DCHS2: variants seen among roughly 807,000 people sequenced by gnomAD.
DCHS2 encodes the protein protocadherin-23.
A neutral mutation model predicts 182.4 loss-of-function variants in DCHS2; 142 were observed. The observed-to-expected ratio is 0.78, with a 90% confidence interval of 0.68 to 0.89. The LOEUF (loss-of-function observed/expected upper bound fraction) is 0.89. DCHS2 is among the 40% of genes least tolerant of loss of function. The probability of loss-of-function intolerance (pLI) is 0.00; values close to 1 mark genes in which losing one functional copy is unlikely to be tolerated. For synonymous variants in DCHS2, 1,740 were observed against 1,663.3 expected, an observed-to-expected ratio of 1.05 and a Z score of -1.12; for missense variants, 4,319 against 4,198.6, an observed-to-expected ratio of 1.03 and a Z score of -0.79.
Position 154,298,068 on chromosome 4 carries a change from TGACTGGG to T in DCHS2, c.6239_6245del (p.Thr2080LysfsTer29). ...CTGTGTATTTATCAATAGAAAACATTGACTGGGTCTCTGCAAAACTAAAAACCACAGT... is the reference window on the plus strand; with the variant it reads ...CTGTGTATTTATCAATAGAAAACATTTCTCTGCAAAACTAAAAACCACAGT... On this transcript the variant is annotated frameshift_variant, in exon 13 of 20. Coordinates refer to ENST00000357232, the MANE Select transcript of DCHS2 (RefSeq NM_001358235.2). LOFTEE classifies it high-confidence loss of function. The T allele has an allele frequency of 6.2e-7, 1 of 1,614,164 alleles. No individual in the cohort carries two copies. The highest frequency in any genetic ancestry group is 1.1e-5 in the South Asian group (1 of 91,086).
intron 1 of DCHS2, among the ~76,000 whole-genome samples, chr4:154,405,713 C>T (rs1732372449): frequency 6.6e-6 from 1 of 152,168 alleles, no homozygotes; most frequent in South Asian, 2.1e-4. Flanking sequence ...TAGAAACATG[C>T]TGTCCTTTAA....
Position 154,235,958 on chromosome 4 carries a change from C to T in DCHS2, c.8694G>A (p.Leu2898=). ...TLPEKNKDRQ[L]IGRVEASDAD... ...CATCTGAGGCTTCCACTCTGCCAATCAACTGTCTGTCTTTATTCTTTTCTG... is the reference window on the plus strand; with the variant it reads ...CATCTGAGGCTTCCACTCTGCCAATTAACTGTCTGTCTTTATTCTTTTCTG... Residue 2898 remains leucine, a synonymous_variant, in exon 20 of 20, where the codon TTG becomes TTA. Transcript: ENST00000357232. The T allele has an allele frequency of 6.2e-7, 1 of 1,614,000 alleles. No individual in the cohort carries two copies. Among genetic ancestry groups the T allele is most frequent in the Non-Finnish European group, 8.5e-7 (1 of 1,179,928 alleles).
intron 1 of DCHS2, among the ~76,000 whole-genome samples, chr4:154,410,691 G>T (rs1195549886): frequency 6.6e-6 from 1 of 151,550 alleles, no homozygotes; most frequent in Non-Finnish European, 1.5e-5. Context: ...AAAAAGATAG[G>T]GACAGAAGCT....
chr4:154,377,399 A>G lies in DCHS2; in HGVS notation c.2098T>C (p.Tyr700His). 1 of 1,613,516 alleles carries G rather than the reference A, an allele frequency of 6.2e-7. No individual in the cohort carries two copies. Reference sequence around the variant, plus strand: ...CTCAGGAATCCATCATAAAGAGAATATTCAATAAAGCCATAGAGTCCTGAA... The same window carrying G: ...CTCAGGAATCCATCATAAAGAGAATGTTCAATAAAGCCATAGAGTCCTGAA... ...ADSGLYGFIE[Y>H]SLYDGFLSYE... Residue 700 changes from tyrosine (Y) to histidine (H), a missense_variant, in exon 2 of 20, where the codon TAT becomes CAT. By Grantham distance (83) the Tyr-to-His change is moderately conservative. Transcript: ENST00000357232.
Position 154,490,888 on chromosome 4 carries a change from G to A in DCHS2, c.468C>T (p.Arg156=), listed in dbSNP as rs1311345782. ...LLGAVVQVEI[R]VNDVNDHSPR... ...GCGAGTGGTCATTCACGTCGTTGAC[G>A]CGAATCTCCACCTGCACCACAGCGC... The change falls in exon 1 of 20, where the codon CGC becomes CGT. Residue 156 remains arginine (R), a synonymous_variant. Transcript: ENST00000357232. 6.4e-7 allele frequency: 1 copy of A among 1,551,414 alleles called. No individual in the cohort carries two copies. Among genetic ancestry groups the A allele is most frequent in the Non-Finnish European group, 8.7e-7 (1 of 1,146,914 alleles).
rs145321497 is a variant in DCHS2 at position 154,332,509 on chromosome 4, A to G, written c.3699T>C (p.Asp1233=). Residue 1233 remains aspartate, a synonymous_variant, in exon 5 of 20, where the codon GAT becomes GAC. Coordinates refer to ENST00000357232, the MANE Select transcript of DCHS2 (RefSeq NM_001358235.2). ...NGQLLYFLLS[D]GKFFKMNPNT... is the part of the protein sequence containing the mutation. ...TAGGATTCATCTTGAAGAATTTTCC[A>G]TCAGACAAAAGGAAATATAATAGCT... is the stretch of plus-strand genomic sequence containing the variant. 4.9e-4 allele frequency: 788 copies of G among 1,613,528 alleles called. No individual in the cohort carries two copies. Among genetic ancestry groups the G allele is most frequent in the Non-Finnish European group, 6.2e-4 (732 of 1,179,734 alleles).
chr4:154,406,253 C>T (rs1187630494), intron 1 of DCHS2, among the ~76,000 whole-genome samples: 1 of 152,226 alleles, frequency 6.6e-6, no homozygotes, highest in East Asian at 1.9e-4. Context: ...TTTTCTCTAG[C>T]ACTCTACCCA....
chr4:154,364,852 T>A (rs757435059), intron 3 of DCHS2, among the ~76,000 whole-genome samples: 1 of 152,176 alleles, frequency 6.6e-6, no homozygotes, highest in South Asian at 2.1e-4. Flanking sequence ...ACCATTACAA[T>A]AGAAACACAT....
In DCHS2 at chr4:154,404,501, T is replaced by C. The variant is rs557056815; in HGVS notation, c.2053-27057A>G. ...AACAATATGTTCTGCAACTGTTAGA[T>C]AGAAAGTTCTGTAAATGCCAACTGT... On this transcript the variant is annotated intron_variant, in intron 1 of 19. Transcript: ENST00000357232. 6.6e-5 allele frequency among the ~76,000 whole-genome samples: 10 copies of C among 152,362 alleles called. No homozygotes were observed. The South Asian group carries it at 2.1e-3, about 32-fold the overall frequency.
At position 154,269,990 on chromosome 4, in the gene DCHS2, CT is replaced by C; in HGVS notation, c.6486del (p.Ala2163LeufsTer11). ...CEAGTSIVTV[K>X]AFAPDSIQDS... The stretch of plus-strand genomic sequence containing the variant: ...TCCTGAATTGAGTCAGGAGCAAAAG[CT>C]TTAACAGTCACAATAGAAGTACCTG... On this transcript the variant is annotated frameshift_variant, in exon 14 of 20. Transcript: ENST00000357232. LOFTEE classifies it high-confidence loss of function. The C allele has an allele frequency of 6.2e-7, 1 of 1,610,468 alleles. No homozygotes were observed. Among genetic ancestry groups the C allele is most frequent in the Non-Finnish European group, 8.5e-7 (1 of 1,178,696 alleles).
intron 1 of DCHS2, among the ~76,000 whole-genome samples, chr4:154,429,745 T>C (rs1345122990): frequency 1.3e-5 from 2 of 152,136 alleles, no homozygotes; most frequent in Non-Finnish European, 2.9e-5. Flanking sequence ...ATTTCAAAAT[T>C]TCAAAACTTC....
intron 3 of DCHS2, among the ~76,000 whole-genome samples, chr4:154,365,051 C>G (rs1730287778): frequency 6.6e-6 from 1 of 151,824 alleles, no homozygotes; most frequent in South Asian, 2.1e-4. Flanking sequence ...TTGTTAGCAA[C>G]AAGCTAATGA....
Position 154,491,161 on chromosome 4 carries a change from C to T in DCHS2, c.195G>A (p.Gln65=), listed in dbSNP as rs779911814. ...CTACGGAAAGGGTGAGGTTGAACAA[C>T]TGGGCAGAGGAGCCCGAGGCCGCCC... ...WLWAASGSSA[Q]LFNLTLSVDE... is the part of the protein sequence containing the mutation. The change falls in exon 1 of 20, where the codon CAG becomes CAA. Residue 65 remains glutamine (Q), a synonymous_variant. Transcript: ENST00000357232. 1.9e-6 allele frequency: 3 copies of T among 1,551,302 alleles called. No individual in the cohort carries two copies. Among genetic ancestry groups the T allele is most frequent in the East Asian group, 4.9e-5 (2 of 40,882 alleles).
chr4:154,417,657 G>A (rs995499467), intron 1 of DCHS2, among the ~76,000 whole-genome samples: 7 of 152,164 alleles, frequency 4.6e-5, no homozygotes, highest in Non-Finnish European at 1.0e-4. Context: ...AGATTTCACT[G>A]AGCACCCTTT....
rs576721734 is a variant in DCHS2, at chr4:154,468,144, C to T, written c.2052+21160G>A. ...TATTAAATATGGGCAGTTCTCCAGC[C>T]GGACATTCTTACCCAATGACTAGAG... On this transcript the variant is annotated intron_variant, in intron 1 of 19. Coordinates refer to ENST00000357232, the MANE Select transcript of DCHS2 (RefSeq NM_001358235.2). 9.9e-5 allele frequency among the ~76,000 whole-genome samples: 15 copies of T among 152,182 alleles called. No individual in the cohort carries two copies. The East Asian group carries it at 1.2e-3, about 12-fold the overall frequency.
chr4:154,298,218 A>G lies in DCHS2; in HGVS notation c.6096T>C (p.Asn2032=). ...VIIKVYVTDV[N]DNDPVLEQNP... ...TCTGTTCCAAAACTGGATCATTGTC[A>G]TTAACATCAGTGACATATACTTTTA... Residue 2032 remains asparagine (N), a synonymous_variant, in exon 13 of 20, where the codon AAT becomes AAC. Transcript: ENST00000357232. The G allele has an allele frequency of 6.2e-7, 1 of 1,614,156 alleles. No homozygotes were observed. Among genetic ancestry groups the G allele is most frequent in the Non-Finnish European group, 8.5e-7 (1 of 1,180,014 alleles).
intron 3 of DCHS2, among the ~76,000 whole-genome samples, chr4:154,344,060 G>T (rs1432039598): frequency 6.6e-6 from 1 of 151,868 alleles, no homozygotes; most frequent in African/African-American, 2.4e-5. Flanking sequence ...AGAGAGAGAC[G>T]GGAAACAGCC....
Position 154,491,372 on chromosome 4 carries a change from T to C in DCHS2, c.-17A>G, listed in dbSNP as rs1162180288. On this transcript the variant is annotated 5_prime_UTR_variant, in exon 1 of 20. Transcript: ENST00000357232. ...AGGGCTCATTTCTCCTCCAGCTCCT[T>C]GGGAAGGCTCTCGGGTAACTGCCAG... 4.0e-6 allele frequency: 6 copies of C among 1,494,458 alleles called. No homozygotes were observed. The Admixed American group carries it at 1.4e-4, about 34-fold the overall frequency. 92.6% of individuals were successfully genotyped at this position (1,494,458 alleles called of 1,614,324 possible).
In DCHS2 at chr4:154,296,426, C is replaced by T. The variant is rs533977150; in HGVS notation, c.6463+1425G>A. ...ACACTGCTGTGGGGCCAGCCTGTGTCTTACCAGAAATTCTGAGTGCCTCTT... is the reference window on the plus strand; with the variant it reads ...ACACTGCTGTGGGGCCAGCCTGTGTTTTACCAGAAATTCTGAGTGCCTCTT... On this transcript the variant is annotated intron_variant, in intron 13 of 19. Coordinates refer to ENST00000357232, the MANE Select transcript of DCHS2 (RefSeq NM_001358235.2). Among the ~76,000 whole-genome samples the T allele has an allele frequency of 1.4e-4, 22 of 152,270 alleles. No homozygotes were observed. The South Asian group carries it at 4.4e-3, about 30-fold the overall frequency.
Sources: gnomAD v4.1 joint callset for allele counts (sites outside exome capture counted in the v4.1 genomes callset) on GRCh38, gnomAD v4.1.1 for gene constraint, MANE v1.5 for transcripts, NCBI Gene and HGNC (gene_info 2026-07-23, HGNC 2026-07-21) for gene names.